Variants in SYT2 observed in about 807,000 individuals in gnomAD.
SYT2 encodes the protein synaptotagmin-2.
A neutral mutation model predicts 39.9 loss-of-function variants in SYT2; 15 were observed. The observed-to-expected ratio is 0.38, with a 90% CI of 0.25 to 0.58. The LOEUF is 0.58. Ranked by LOEUF, SYT2 falls within the 20% of genes least tolerant of loss-of-function variation. The pLI, the probability that SYT2 is intolerant of heterozygous loss-of-function variation, is 0.70. For missense variants in SYT2, 389 were observed against 530.3 expected (o/e 0.73, Z 2.62); for synonymous variants, 181 against 204.5 (o/e 0.89, Z 0.98).
At chr1:202,647,833 C>A (rs1172102627) in intron 1 of SYT2, among the ~76,000 whole-genome samples, 1 of 152,158 alleles carries the variant, frequency 6.6e-6, no homozygotes, top group Non-Finnish European at 1.5e-5. Context: ...TCCCCCTCCT[C>A]CCTCCCCCTC....
intron 1 of SYT2, among the ~76,000 whole-genome samples, chr1:202,686,256 T>C (rs1653662894): frequency 6.6e-6 from 1 of 152,090 alleles, no homozygotes; most frequent in African/African-American, 2.4e-5. Context: ...TGCAGAACCG[T>C]GAACCAAGGA....
chr1:202,690,321 G>T (rs941497298), intron 1 of SYT2, among the ~76,000 whole-genome samples: 1 of 152,172 alleles, frequency 6.6e-6, no homozygotes, highest in African/African-American at 2.4e-5. Flanking sequence ...AAATAGACAC[G>T]CTCTCTTTAT....
chr1:202,639,424 G>A, intron 1 of SYT2: 19 of 869,666 alleles, frequency 2.2e-5, no homozygotes, highest in Non-Finnish European at 2.6e-5. Context: ...CCGTCGCTGG[G>A]CTTGGAGCTC....
In SYT2 at chr1:202,590,849, G is replaced by C. The variant is rs1024625875; in HGVS notation, c.*5908C>G. 6.6e-6 allele frequency: 1 copy of C among 152,100 alleles called. No individual in the cohort carries two copies. Among genetic ancestry groups the C allele is most frequent in the Non-Finnish European group, 1.5e-5 (1 of 68,060 alleles). 9.4% of individuals were successfully genotyped at this position (152,100 alleles called of 1,614,324 possible). On this transcript the variant is annotated 3_prime_UTR_variant, in exon 9 of 9. Transcript: ENST00000367268. ...CTGATTTTGAAGTTTTCAGCCCCAG[G>C]GTTTTCAGAAAGCAGCAAATCAAGT...
chr1:202,676,478 C>G (rs1653377814), intron 1 of SYT2, among the ~76,000 whole-genome samples: 1 of 152,236 alleles, frequency 6.6e-6, no homozygotes, highest in Non-Finnish European at 1.5e-5. Flanking sequence ...TCATTCAATT[C>G]ATTCTGATTC....
chr1:202,594,029 AAC>A lies in SYT2; in HGVS notation c.*2726_*2727del, dbSNP rs1490553108. On this transcript the variant is annotated 3_prime_UTR_variant, in exon 9 of 9. Coordinates refer to ENST00000367268, the MANE Select transcript of SYT2 (RefSeq NM_177402.5). ...GCTACGTCAGCCCTCAGGTATGGAAAACACACAAGCAGAAGCATGTTCCCACC... is the reference window on the plus strand; with the variant it reads ...GCTACGTCAGCCCTCAGGTATGGAAAACACAAGCAGAAGCATGTTCCCACC... 2 of 152,190 alleles carry A rather than the reference AAC, an allele frequency of 1.3e-5. No individual in the cohort carries two copies. Among genetic ancestry groups the A allele is most frequent in the African/African-American group, 2.4e-5 (1 of 41,372 alleles). 9.4% of individuals were successfully genotyped at this position (152,190 alleles called of 1,614,324 possible).
At chr1:202,665,642 T>C (rs563706695) in intron 1 of SYT2, among the ~76,000 whole-genome samples, 4 of 152,292 alleles carry the variant, frequency 2.6e-5, no homozygotes, top group African/African-American at 9.6e-5. Context: ...TCTGTTTCCA[T>C]ACTTCCTCAT....
Position 202,618,404 on chromosome 1 carries a change from T to TGTGTGTGA in SYT2, c.-17-12616_-17-12615insTCACACAC, listed in dbSNP as rs1691109537. On this transcript the variant is annotated intron_variant, in intron 1 of 8. Coordinates refer to ENST00000367268, the MANE Select transcript of SYT2 (RefSeq NM_177402.5). Reference sequence around the variant, plus strand: ...AAGGAACCAAGGTCTGGTGTGAGTGTGTGTGTGTGTGTGTGTGTGTGTGTG... The same window carrying TGTGTGTGA: ...AAGGAACCAAGGTCTGGTGTGAGTGTGTGTGTGAGTGTGTGTGTGTGTGTGTGTGTGTG... Among the ~76,000 whole-genome samples, 3 of 40,850 alleles carry TGTGTGTGA rather than the reference T, an allele frequency of 7.3e-5. No individual in the cohort carries two copies. The South Asian group carries it at 2.2e-3, about 30-fold the overall frequency. 26.8% of individuals were successfully genotyped at this position (40,850 alleles called of 152,430 possible).
intron 1 of SYT2, among the ~76,000 whole-genome samples, chr1:202,690,767 T>C (rs1252476310): frequency 1.3e-5 from 2 of 152,232 alleles, no homozygotes; most frequent in African/African-American, 4.8e-5. Flanking sequence ...TCTATTAGAA[T>C]TGTCTTCCTA....
rs2149084332 is a variant in SYT2 at position 202,623,384 on chromosome 1, C to G, written c.-17-17595G>C. On this transcript the variant is annotated intron_variant, in intron 1 of 8. Transcript: ENST00000367268. The surrounding 1 kb of genome is among the most constrained non-coding windows in gnomAD (Gnocchi z 4.2). Reference sequence around the variant, plus strand: ...CCCAGCCCAGGGGGCTGCCTCTGGCCCCCAGACAGGCTGCCTTCCCACCTC... The same window carrying G: ...CCCAGCCCAGGGGGCTGCCTCTGGCGCCCAGACAGGCTGCCTTCCCACCTC... Among the ~76,000 whole-genome samples the G allele has an allele frequency of 6.6e-6, 1 of 152,306 alleles. No individual in the cohort carries two copies.
At chr1:202,703,057 T>C (rs1472156153) in intron 1 of SYT2, among the ~76,000 whole-genome samples, 2 of 152,222 alleles carry the variant, frequency 1.3e-5, no homozygotes, top group Admixed American at 1.3e-4. Context: ...AGGAAGGACA[T>C]GCACAACACA....
intron 1 of SYT2, among the ~76,000 whole-genome samples, chr1:202,609,940 T>C (rs1342029186): frequency 6.6e-6 from 1 of 152,238 alleles, no homozygotes; most frequent in East Asian, 1.9e-4. Context: ...CTTTTGGTGT[T>C]TTAGACGTGA....
At chr1:202,603,254 G>A (rs1690581475) in intron 3 of SYT2, 136 bp from the exon 4 acceptor site, 1 of 1,261,538 alleles carries the variant, frequency 7.9e-7, no homozygotes, top group African/African-American at 1.5e-5. Context: ...AACACAAGAG[G>A]GAACGTGGCC....
intron 1 of SYT2, among the ~76,000 whole-genome samples, chr1:202,690,198 G>C (rs1344848499): frequency 1.3e-5 from 2 of 152,144 alleles, no homozygotes; most frequent in East Asian, 3.9e-4. Flanking sequence ...CCTCTGAAAA[G>C]TGTATGCAGT....
chr1:202,632,919 G>A (rs571567788), intron 1 of SYT2: 1 of 152,294 alleles, frequency 6.6e-6, no homozygotes, highest in Admixed American at 6.5e-5. Flanking sequence ...CCACAGAGGG[G>A]TAAATGCACC....
At chr1:202,613,933 C>G (rs1218713011) in intron 1 of SYT2, among the ~76,000 whole-genome samples, 2 of 152,210 alleles carry the variant, frequency 1.3e-5, no homozygotes, top group Non-Finnish European at 2.9e-5. Flanking sequence ...CTTTTCAGAA[C>G]TGCCGTGAAA....
At position 202,606,723 on chromosome 1, in the gene SYT2, G is replaced by A. The variant is rs112031074; in HGVS notation, c.-17-934C>T. On this transcript the variant is annotated intron_variant, in intron 1 of 8. Transcript: ENST00000367268. Reference sequence around the variant, plus strand: ...TGTAGATTAGCCTTCCCGCATCAAAGATGTGATGTTTATTAATAACATAAC... The same window carrying A: ...TGTAGATTAGCCTTCCCGCATCAAAAATGTGATGTTTATTAATAACATAAC... Among the ~76,000 whole-genome samples the A allele has an allele frequency of 1.6e-4, 24 of 152,238 alleles. 2 individuals are homozygous for A. The highest frequency in any genetic ancestry group is 5.8e-4 in the African/African-American group (24 of 41,542).
chr1:202,613,058 T>A (rs1189876050), intron 1 of SYT2, among the ~76,000 whole-genome samples: 1 of 146,716 alleles, frequency 6.8e-6, no homozygotes, highest in Non-Finnish European at 1.5e-5. Flanking sequence ...GCCGAACTCA[T>A]TGGTTCTTCC....
intron 1 of SYT2, among the ~76,000 whole-genome samples, chr1:202,667,164 C>G (rs1692494024): frequency 6.6e-6 from 1 of 151,974 alleles, no homozygotes; most frequent in Admixed American, 6.6e-5. Context: ...GAAAGGAAAA[C>G]AGTATTAAAG....
Sources: allele counts gnomAD v4.1 joint callset (sites outside exome capture counted in the v4.1 genomes callset), GRCh38; gene constraint gnomAD v4.1.1; non-coding constraint Gnocchi (gnomAD v3.1); transcripts MANE v1.5; gene names NCBI Gene and HGNC (gene_info 2026-07-23, HGNC 2026-07-21).